Variants in CCDC73 observed in about 807,000 individuals in gnomAD.
CCDC73 encodes coiled-coil domain containing 73, also known as coiled-coil domain-containing protein 73.
A neutral mutation model predicts 116.5 loss-of-function variants in CCDC73; 95 were observed. That is an observed-to-expected ratio of 0.82 (90% CI 0.69 to 0.97). The LOEUF (loss-of-function observed/expected upper bound fraction) is 0.97. Ranked by LOEUF, CCDC73 falls within the 50% of genes least tolerant of loss-of-function variation. The pLI is 0.00. For missense variants in CCDC73, 1,066 were observed against 1,206.8 expected (o/e 0.88, Z 1.73); for synonymous variants, 398 against 401.3 (o/e 0.99, Z 0.10).
the CCDC73 span, among the ~76,000 whole-genome samples, chr11:32,808,178 AT>A: frequency 6.6e-6 from 1 of 152,156 alleles, no homozygotes; most frequent in African/African-American, 2.4e-5. Flanking sequence ...GAAAAAAAAT[AT>A]CAGAATAAGG....
chr11:32,798,108 A>C (rs1024087841), upstream of CCDC73, among the ~76,000 whole-genome samples: 7 of 152,246 alleles, frequency 4.6e-5, no homozygotes, highest in African/African-American at 1.7e-4. Flanking sequence ...TCTCTAACCC[A>C]ACATATCCTG....
chr11:32,807,068 C>A, the CCDC73 span, among the ~76,000 whole-genome samples: 121 of 152,266 alleles, frequency 7.9e-4, 4 homozygotes, highest in South Asian at 0.023. Context: ...GTAGAAAGAG[C>A]AGGGAGGAGG....
At chr11:32,772,921 C>T (rs1850503340) in intron 1 of CCDC73, among the ~76,000 whole-genome samples, 1 of 152,124 alleles carries the variant, frequency 6.6e-6, no homozygotes, top group Admixed American at 6.6e-5. Flanking sequence ...CATAAAGTTA[C>T]CATATGACTC....
At chr11:32,627,809 G>A (rs1043923825) in intron 14 of CCDC73, among the ~76,000 whole-genome samples, 26 of 152,096 alleles carry the variant, frequency 1.7e-4, no homozygotes, top group Admixed American at 6.6e-4. Context: ...ATCACACACC[G>A]GGGCCTGTTG....
chr11:32,819,557 G>A, the CCDC73 span, among the ~76,000 whole-genome samples: 12 of 151,542 alleles, frequency 7.9e-5, no homozygotes, highest in Non-Finnish European at 1.8e-4. Context: ...TGACCTCCTA[G>A]ACTCAAACAA....
intron 9 of CCDC73, among the ~76,000 whole-genome samples, chr11:32,665,823 T>G (rs190314878): frequency 4.5e-4 from 69 of 152,322 alleles, no homozygotes; most frequent in Admixed American, 1.2e-3. Flanking sequence ...TGTTTAGTGC[T>G]TCCTTCAGGA....
intron 2 of CCDC73, among the ~76,000 whole-genome samples, chr11:32,746,461 G>T (rs1041042152): frequency 1.3e-5 from 2 of 152,086 alleles, no homozygotes; most frequent in African/African-American, 4.8e-5. Flanking sequence ...TTTTGAATTT[G>T]AATGTTGGCC....
At chr11:32,778,038 TTTATG>T (rs1850552194) in intron 1 of CCDC73, among the ~76,000 whole-genome samples, 1 of 152,220 alleles carries the variant, frequency 6.6e-6, no homozygotes, top group South Asian at 2.1e-4. Context: ...ATAGTATCTC[TTTATG>T]TTAAGAGCAG....
chr11:32,721,420 A>G (rs1849988619), intron 2 of CCDC73, among the ~76,000 whole-genome samples: 1 of 152,184 alleles, frequency 6.6e-6, no homozygotes, highest in Admixed American at 6.6e-5. Context: ...ATAGATAGAT[A>G]TGTGATAAAG....
chr11:32,667,782 T>C (rs1856000214), intron 9 of CCDC73, among the ~76,000 whole-genome samples: 1 of 152,194 alleles, frequency 6.6e-6, no homozygotes, highest in Non-Finnish European at 1.5e-5. Flanking sequence ...CTGGAGCTGT[T>C]CCTATTCAGC....
upstream of CCDC73, among the ~76,000 whole-genome samples, chr11:32,795,749 G>A (rs2133412752): frequency 6.6e-6 from 1 of 151,358 alleles, no homozygotes; most frequent in South Asian, 2.1e-4. Context: ...GAGTGCAATG[G>A]CACGATCTCA....
At chr11:32,632,047 A>C (rs1400810099) in intron 14 of CCDC73, among the ~76,000 whole-genome samples, 2 of 152,190 alleles carry the variant, frequency 1.3e-5, no homozygotes, top group African/African-American at 4.8e-5. Flanking sequence ...TTCCAAATAT[A>C]TTTCTGTTAG....
At chr11:32,677,705 G>A (rs903856161) in intron 7 of CCDC73, among the ~76,000 whole-genome samples, 8 of 152,026 alleles carry the variant, frequency 5.3e-5, no homozygotes, top group Admixed American at 5.2e-4. Context: ...TGTAATTCCA[G>A]CACTTTGGGA....
At chr11:32,632,602 T>TTGTG (rs148734503) in intron 14 of CCDC73, among the ~76,000 whole-genome samples, 1 of 150,278 alleles carries the variant, frequency 6.7e-6, no homozygotes, top group Non-Finnish European at 1.5e-5. Context: ...TCCTTACAGA[T>TTGTG]TGTGTGTGTG....
In CCDC73 at chr11:32,709,190, C is replaced by T. The variant is rs116271024; in HGVS notation, c.208-6246G>A. Among the ~76,000 whole-genome samples the T allele has an allele frequency of 7.1e-3, 1,089 of 152,318 alleles. 17 individuals are homozygous for T. Among genetic ancestry groups the T allele is most frequent in the African/African-American group, 0.025 (1,050 of 41,566 alleles). Reference sequence around the variant, plus strand: ...TGATTTTTCTTTTAAATTCTGTTTACATGATATATGACATTTATTGACTTA... The same window carrying T: ...TGATTTTTCTTTTAAATTCTGTTTATATGATATATGACATTTATTGACTTA... On this transcript the variant is annotated intron_variant, in intron 3 of 17. Transcript: ENST00000335185.
chr11:32,637,123 G>A (rs1441936725), intron 13 of CCDC73, among the ~76,000 whole-genome samples: 3 of 147,710 alleles, frequency 2.0e-5, no homozygotes, highest in Non-Finnish European at 4.5e-5. Context: ...GGATTCAAGC[G>A]AGTCTTCTGC....
intron 3 of CCDC73, among the ~76,000 whole-genome samples, chr11:32,708,460 T>C (rs1849873222): frequency 6.6e-6 from 1 of 152,216 alleles, no homozygotes; most frequent in Non-Finnish European, 1.5e-5. Flanking sequence ...GGTATTTTTA[T>C]GGAAATTGCA....
chr11:32,659,087 C>G (rs1432475359), intron 9 of CCDC73, among the ~76,000 whole-genome samples: 17 of 152,142 alleles, frequency 1.1e-4, no homozygotes, highest in Admixed American at 1.0e-3. Context: ...CAAAAAAGTC[C>G]TTCATTTACA....
At chr11:32,653,272 GT>G (rs751772167) in intron 11 of CCDC73, 45 bp from the exon 12 acceptor site, 63 of 1,225,616 alleles carry the variant, frequency 5.1e-5, no homozygotes, top group Non-Finnish European at 6.7e-5. Flanking sequence ...TTTAAGATAG[GT>G]ATGTTTCTAA....
Sources: allele counts gnomAD v4.1 joint callset (sites outside exome capture counted in the v4.1 genomes callset), GRCh38; gene constraint gnomAD v4.1.1; transcripts MANE v1.5; gene names NCBI Gene and HGNC (gene_info 2026-07-23, HGNC 2026-07-21).